The following FARS2 variants were observed in gnomAD, a reference collection of about 807,000 sequenced individuals.
FARS2 encodes phenylalanyl-tRNA synthetase 2, mitochondrial, also known as phenylalanine--tRNA ligase, mitochondrial.
FARS2 carries 40 observed loss-of-function variants against 46.4 expected under a neutral mutation model. The ratio of observed to expected loss-of-function variants is 0.86; its 90% CI spans 0.67 to 1.12. The LOEUF is 1.12. Among genes scored for constraint, FARS2 ranks in the 50% most tolerant of loss-of-function variants. The pLI is 0.00. For synonymous variants in FARS2, 234 were observed against 214.9 expected, an observed-to-expected ratio of 1.09 and a Z score of -0.78; for missense variants, 513 against 567.9, an observed-to-expected ratio of 0.90 and a Z score of 0.98.
intron 4 of FARS2, among the ~76,000 whole-genome samples, chr6:5,530,160 A>G (rs1769732074): frequency 6.6e-6 from 1 of 152,178 alleles, no homozygotes; most frequent in Admixed American, 6.5e-5. Context: ...CGGGGTCTCC[A>G]GATGTGTCAC....
At position 5,479,072 on chromosome 6, in the gene FARS2, G is replaced by A. The variant is rs1039121716; in HGVS notation, c.904+47900G>A. 5.3e-5 allele frequency among the ~76,000 whole-genome samples: 8 copies of A among 152,248 alleles called. No individual in the cohort carries two copies. In the South Asian group the frequency reaches 6.2e-4, roughly 12 times the overall value. ...AATTATGGCTTCTGGGAATTCCATC[G>A]GGGTGAACCCGTGAATCTGTATCCT... On this transcript the variant is annotated intron_variant, in intron 4 of 6. Transcript: ENST00000274680.
chr6:5,632,480 G>A (rs1403124623), intron 6 of FARS2, among the ~76,000 whole-genome samples: 5 of 151,810 alleles, frequency 3.3e-5, no homozygotes, highest in Admixed American at 1.3e-4. Flanking sequence ...AACGACCACC[G>A]CTATCTAGTT....
At chr6:5,288,576 G>T (rs1767287371) in intron 1 of FARS2, among the ~76,000 whole-genome samples, 1 of 152,178 alleles carries the variant, frequency 6.6e-6, no homozygotes, top group Non-Finnish European at 1.5e-5. Flanking sequence ...GCCGTGATCT[G>T]TGGTTTTGAA....
chr6:5,556,413 T>C (rs1479540147), intron 5 of FARS2, among the ~76,000 whole-genome samples: 4 of 151,924 alleles, frequency 2.6e-5, no homozygotes, highest in Non-Finnish European at 4.4e-5. Context: ...GTCCTCCTGA[T>C]TCTCAGTCCC....
intron 1 of FARS2, among the ~76,000 whole-genome samples, chr6:5,329,426 TG>T (rs1407362344): frequency 6.6e-6 from 1 of 152,140 alleles, no homozygotes; most frequent in Non-Finnish European, 1.5e-5. Context: ...TGTTTTGTTT[TG>T]TTTTTAATAA....
Position 5,508,478 on chromosome 6 carries a change from A to G in FARS2, c.905-36702A>G, listed in dbSNP as rs1768232246. On this transcript the variant is annotated intron_variant, in intron 4 of 6. Transcript: ENST00000274680. ...CCAGAGGGCAGAATGCAGAGAGGCC[A>G]GGAGGGAATCTGTGAATTAGCAGGA... is the stretch of plus-strand genomic sequence containing the variant. Among the ~76,000 whole-genome samples, 4 of 150,314 alleles carry G rather than the reference A, an allele frequency of 2.7e-5. No homozygotes were observed. The South Asian group carries it at 8.6e-4, about 32-fold the overall frequency.
At chr6:5,579,352 C>A (rs956695856) in intron 5 of FARS2, among the ~76,000 whole-genome samples, 8 of 152,148 alleles carry the variant, frequency 5.3e-5, no homozygotes, top group Non-Finnish European at 8.8e-5. Context: ...CCTCCGCCTC[C>A]TGGGTTCAAG....
At chr6:5,591,321 G>A (rs770271079) in intron 5 of FARS2, among the ~76,000 whole-genome samples, 10 of 152,152 alleles carry the variant, frequency 6.6e-5, no homozygotes, top group African/African-American at 1.7e-4. Flanking sequence ...CCAAGACAAG[G>A]TGGTCAGCTT....
intron 5 of FARS2, among the ~76,000 whole-genome samples, chr6:5,547,281 G>T (rs1279036473): frequency 6.6e-6 from 1 of 151,890 alleles, no homozygotes; most frequent in Non-Finnish European, 1.5e-5. Flanking sequence ...GTACTTGTCT[G>T]TTAATTCCAA....
intron 1 of FARS2, among the ~76,000 whole-genome samples, chr6:5,328,598 A>T (rs1422385019): frequency 6.6e-6 from 1 of 151,774 alleles, no homozygotes; most frequent in Non-Finnish European, 1.5e-5. Context: ...TCCGACATCC[A>T]CTAAGGCTAC....
At chr6:5,489,859 T>C (rs1390701917) in intron 4 of FARS2, among the ~76,000 whole-genome samples, 1 of 152,244 alleles carries the variant, frequency 6.6e-6, no homozygotes, top group Non-Finnish European at 1.5e-5. Context: ...ATAGTTTTCT[T>C]TGAAGTTGAA....
chr6:5,704,298 G>A (rs1470337716), intron 6 of FARS2, among the ~76,000 whole-genome samples: 3 of 152,128 alleles, frequency 2.0e-5, no homozygotes, highest in Non-Finnish European at 2.9e-5. Context: ...AGCTCTCCAG[G>A]GCCCCTTTAT....
At chr6:5,293,824 G>C (rs911138446) in intron 1 of FARS2, among the ~76,000 whole-genome samples, 3 of 152,200 alleles carry the variant, frequency 2.0e-5, no homozygotes, top group Admixed American at 6.5e-5. Flanking sequence ...TGGCTGTGAA[G>C]GCTGAAGGCC....
chr6:5,687,918 C>T (rs187649057), intron 6 of FARS2, among the ~76,000 whole-genome samples: 3,013 of 152,228 alleles, frequency 0.02, 97 homozygotes, highest in African/African-American at 0.066. Context: ...TCCTTCACGT[C>T]CCTTGTAAGT....
At chr6:5,483,883 A>C (rs1255654242) in intron 4 of FARS2, among the ~76,000 whole-genome samples, 1 of 152,126 alleles carries the variant, frequency 6.6e-6, no homozygotes, top group East Asian at 1.9e-4. Flanking sequence ...GAAGTGGTTC[A>C]TGGAGTAATT....
intron 1 of FARS2, among the ~76,000 whole-genome samples, chr6:5,274,759 G>T (rs1227606343): frequency 2.6e-5 from 4 of 151,984 alleles, no homozygotes; most frequent in African/African-American, 9.7e-5. Flanking sequence ...CACCCCAGCT[G>T]GAGTGCAGTG....
Position 5,563,089 on chromosome 6 carries a change from G to T in FARS2, c.1065+17749G>T, listed in dbSNP as rs1289753008. The stretch of plus-strand genomic sequence containing the variant: ...GCTCCCCCGTACAGAGACAGAGGGA[G>T]GGGGGCTCCAAAGCCAAAAGAGGAG... On this transcript the variant is annotated intron_variant, in intron 5 of 6. Coordinates refer to ENST00000274680, the MANE Select transcript of FARS2 (RefSeq NM_006567.5). Among the ~76,000 whole-genome samples, 9 of 84,886 alleles carry T rather than the reference G, an allele frequency of 1.1e-4. No homozygotes were observed. In the South Asian group the frequency reaches 5.3e-3, roughly 50 times the overall value. The allele number at this position is 84,886 out of a possible 152,430, so 55.7% of individuals were successfully genotyped here. A position where few individuals can be genotyped will look rare whatever the true frequency, so the allele number is the denominator to read the frequency against.
intron 6 of FARS2, among the ~76,000 whole-genome samples, chr6:5,759,074 A>G (rs1330438306): frequency 6.6e-6 from 1 of 152,104 alleles, no homozygotes; most frequent in Non-Finnish European, 1.5e-5. Flanking sequence ...CATGTTATAG[A>G]TGAGAAAACC....
chr6:5,260,815 G>A, upstream of FARS2: 5 of 1,527,588 alleles, frequency 3.3e-6, no homozygotes, highest in Non-Finnish European at 4.4e-6. Flanking sequence ...AGCCTGTGCG[G>A]AAACCACGAA....
Sources: gnomAD v4.1 joint callset for allele counts (sites outside exome capture counted in the v4.1 genomes callset) on GRCh38, gnomAD v4.1.1 for gene constraint, MANE v1.5 for transcripts, NCBI Gene and HGNC (gene_info 2026-07-23, HGNC 2026-07-21) for gene names.